The following PTPRD variants were observed in gnomAD, a reference collection of about 807,000 sequenced individuals.
The protein encoded by PTPRD is protein tyrosine phosphatase receptor type D.
PTPRD carries 34 observed loss-of-function variants against 214.5 expected under a neutral mutation model. The ratio of observed to expected loss-of-function variants is 0.16; its 90% CI spans 0.12 to 0.21. The LOEUF (loss-of-function observed/expected upper bound fraction) is 0.21, where lower values mean the gene tolerates loss of function less well. Ranked by LOEUF, PTPRD falls within the 10% of genes least tolerant of loss-of-function variation. The pLI, the probability that PTPRD is intolerant of heterozygous loss-of-function variation, is 1.00. For missense variants in PTPRD, 2,545 were observed against 2,398.7 expected (o/e 1.06, Z -1.27); for synonymous variants, 1,128 against 845.7 (o/e 1.33, Z -5.79).
chr9:10,072,984 A>C (rs1439382025), intron 3 of PTPRD, among the ~76,000 whole-genome samples: 2 of 152,144 alleles, frequency 1.3e-5, no homozygotes, highest in Non-Finnish European at 2.9e-5. Flanking sequence ...ATAGAGTAGA[A>C]TACTTCAACT....
At chr9:10,234,290 T>C (rs1180469640) in intron 3 of PTPRD, among the ~76,000 whole-genome samples, 2 of 151,856 alleles carry the variant, frequency 1.3e-5, no homozygotes, top group East Asian at 1.9e-4. Context: ...TACAAAATCA[T>C]GTTTTTAAAT....
At chr9:8,788,949 T>A (rs77410846) in intron 11 of PTPRD, among the ~76,000 whole-genome samples, 3,341 of 152,274 alleles carry the variant, frequency 0.022, 46 homozygotes, top group Admixed American at 0.033. Context: ...AATGTCACAT[T>A]ACTTTACATA....
chr9:9,469,494 C>T (rs1376308538), intron 8 of PTPRD, among the ~76,000 whole-genome samples: 1 of 152,060 alleles, frequency 6.6e-6, no homozygotes, highest in African/African-American at 2.4e-5. Flanking sequence ...GAGACAGAGG[C>T]TTTCTACTTA....
intron 3 of PTPRD, among the ~76,000 whole-genome samples, chr9:10,245,989 T>G (rs1157164096): frequency 6.6e-6 from 1 of 152,162 alleles, no homozygotes; most frequent in African/African-American, 2.4e-5. Context: ...ATGAAATAAG[T>G]TAAACCACAT....
rs1464767758 is a variant in PTPRD at position 10,313,911 on chromosome 9, C to T, written c.-545+27052G>A. ...TATAGGGAAAGAGGTAAGGAAAAGT[C>T]TCACGGTTCAGACTAGACAGATCAT... On this transcript the variant is annotated intron_variant, in intron 3 of 45. Coordinates refer to ENST00000381196, the MANE Select transcript of PTPRD (RefSeq NM_002839.4). Among the ~76,000 whole-genome samples, 8 of 151,898 alleles carry T rather than the reference C, an allele frequency of 5.3e-5. No homozygotes were observed. The East Asian group carries it at 1.6e-3, about 30-fold the overall frequency.
chr9:8,326,256 T>C (rs1833631862), intron 44 of PTPRD, among the ~76,000 whole-genome samples: 1 of 152,168 alleles, frequency 6.6e-6, no homozygotes. Context: ...CAGTACCTAG[T>C]TTTTTGAGAG....
intron 2 of PTPRD, among the ~76,000 whole-genome samples, chr9:10,537,891 T>A (rs780688158): frequency 5.9e-5 from 9 of 152,178 alleles, no homozygotes; most frequent in Non-Finnish European, 1.0e-4. Flanking sequence ...CCAGGAAGCA[T>A]GTTAAGAATG....
chr9:9,609,392 C>T (rs974428450), intron 7 of PTPRD, among the ~76,000 whole-genome samples: 2 of 152,008 alleles, frequency 1.3e-5, no homozygotes, highest in African/African-American at 4.8e-5. Context: ...AACAAAAAAA[C>T]AGAAGCACAG....
chr9:8,960,775 G>T (rs754386855), intron 11 of PTPRD, among the ~76,000 whole-genome samples: 33 of 152,182 alleles, frequency 2.2e-4, no homozygotes, highest in Admixed American at 3.3e-4. Context: ...TCATTTTGAT[G>T]ATTCAGTTTC....
chr9:9,464,456 A>G (rs1410820283), intron 8 of PTPRD, among the ~76,000 whole-genome samples: 4 of 151,880 alleles, frequency 2.6e-5, no homozygotes, highest in Non-Finnish European at 5.9e-5. Flanking sequence ...ATTATCATTA[A>G]CTCTTGCCTA....
chr9:10,140,219 T>C (rs1278129814), intron 3 of PTPRD, among the ~76,000 whole-genome samples: 2 of 151,480 alleles, frequency 1.3e-5, no homozygotes, highest in East Asian at 1.9e-4. Flanking sequence ...CTATAAGAAA[T>C]GTAAATTAAT....
At chr9:8,774,315 A>T (rs1202853208) in intron 11 of PTPRD, among the ~76,000 whole-genome samples, 2 of 152,154 alleles carry the variant, frequency 1.3e-5, no homozygotes, top group African/African-American at 4.8e-5. Flanking sequence ...TGAATAACAT[A>T]TTATTTAATA....
intron 14 of PTPRD, among the ~76,000 whole-genome samples, chr9:8,533,685 G>A (rs116425163): frequency 5.3e-4 from 81 of 152,066 alleles, no homozygotes; most frequent in African/African-American, 1.4e-3. Flanking sequence ...TCAATAAACC[G>A]TAATAATAGT....
chr9:10,076,370 T>G (rs2098131975), intron 3 of PTPRD, among the ~76,000 whole-genome samples: 1 of 152,094 alleles, frequency 6.6e-6, no homozygotes, highest in Non-Finnish European at 1.5e-5. Flanking sequence ...TTTCTCAGAT[T>G]TACCTTCCTC....
In PTPRD at chr9:8,962,469, T is replaced by C. The variant is rs190534192; in HGVS notation, c.-104+56228A>G. Among the ~76,000 whole-genome samples the C allele has an allele frequency of 4.4e-3, 665 of 152,142 alleles. 7 individuals carry two copies. The highest frequency in any genetic ancestry group is 0.015 in the African/African-American group (633 of 41,512). On this transcript the variant is annotated intron_variant, in intron 11 of 45. Transcript: ENST00000381196. The stretch of plus-strand genomic sequence containing the variant: ...TTTGGATGTGATTTTGGCAGTCATC[T>C]TCCCTACCAAATGACTAAAGATAAG...
chr9:9,751,844 CT>C (rs1286756736), intron 6 of PTPRD, among the ~76,000 whole-genome samples: 3 of 152,014 alleles, frequency 2.0e-5, no homozygotes, highest in Admixed American at 6.6e-5. Flanking sequence ...GCTCAGAAAA[CT>C]GACACACTAC....
At chr9:10,394,184 A>C (rs1019889699) in intron 2 of PTPRD, among the ~76,000 whole-genome samples, 1 of 140,004 alleles carries the variant, frequency 7.1e-6, no homozygotes. Context: ...ATATCTATAT[A>C]TAAAGATATA....
intron 4 of PTPRD, among the ~76,000 whole-genome samples, chr9:9,979,401 A>T (rs1382446485): frequency 1.3e-5 from 2 of 152,080 alleles, no homozygotes; most frequent in African/African-American, 2.4e-5. Flanking sequence ...CTTCTGGAAA[A>T]ATATACAAAA....
At chr9:10,253,389 C>G (rs1466011386) in intron 3 of PTPRD, among the ~76,000 whole-genome samples, 1 of 152,178 alleles carries the variant, frequency 6.6e-6, no homozygotes, top group Non-Finnish European at 1.5e-5. Context: ...AGTTCTGACT[C>G]TTTTAATAAA....
Sources: allele counts gnomAD v4.1 joint callset (sites outside exome capture counted in the v4.1 genomes callset), GRCh38; gene constraint gnomAD v4.1.1; transcripts MANE v1.5; gene names NCBI Gene and HGNC (gene_info 2026-07-23, HGNC 2026-07-21).